Variants in LRP1B observed in about 807,000 individuals in gnomAD.
The protein encoded by LRP1B is LDL receptor related protein 1B, also known as low-density lipoprotein receptor-related protein 1B.
In LRP1B, 217 loss-of-function variants were observed where a neutral mutation model predicts 556.6. The observed-to-expected ratio is 0.39, with a 90% confidence interval of 0.35 to 0.44. The LOEUF is 0.44. LRP1B is among the 20% of genes least tolerant of loss of function. The pLI, the probability that LRP1B is intolerant of heterozygous loss-of-function variation, is 1.00. For missense variants in LRP1B, 5,053 were observed against 5,620.8 expected (o/e 0.90, Z 3.23); for synonymous variants, 2,047 against 1,865.8 (o/e 1.10, Z -2.50).
At chr2:142,046,499 T>C (rs1704265453) in intron 1 of LRP1B, among the ~76,000 whole-genome samples, 1 of 151,926 alleles carries the variant, frequency 6.6e-6, no homozygotes, top group Non-Finnish European at 1.5e-5. Flanking sequence ...TAATCAACAC[T>C]CTTTCTCCAC....
intron 1 of LRP1B, among the ~76,000 whole-genome samples, chr2:141,911,379 C>CTCTT (rs1240746861): frequency 6.6e-6 from 1 of 152,148 alleles, no homozygotes; most frequent in African/African-American, 2.4e-5. Flanking sequence ...AAGTAAAAGA[C>CTCTT]TCTTTAGCAC....
intron 37 of LRP1B, among the ~76,000 whole-genome samples, chr2:140,703,353 A>G (rs1686714698): frequency 6.6e-6 from 1 of 152,186 alleles, no homozygotes; most frequent in African/African-American, 2.4e-5. Context: ...ATAAAATAAA[A>G]TGTAGAAAAA....
At chr2:140,887,907 A>G (rs1693686597) in intron 23 of LRP1B, among the ~76,000 whole-genome samples, 1 of 152,148 alleles carries the variant, frequency 6.6e-6, no homozygotes, top group Non-Finnish European at 1.5e-5. Flanking sequence ...ATTAACAGGA[A>G]GTGATTGCAA....
chr2:141,049,988 A>G (rs1016233604), intron 10 of LRP1B, among the ~76,000 whole-genome samples: 4 of 152,004 alleles, frequency 2.6e-5, no homozygotes, highest in Admixed American at 6.6e-5. Flanking sequence ...CTTCTATATA[A>G]AAATATATAC....
chr2:141,651,432 G>C (rs942795414), intron 2 of LRP1B, among the ~76,000 whole-genome samples: 1 of 152,154 alleles, frequency 6.6e-6, no homozygotes, highest in African/African-American at 2.4e-5. Context: ...GGGAGGCGGA[G>C]GCAGGCAGAT....
intron 23 of LRP1B, among the ~76,000 whole-genome samples, chr2:140,895,463 G>A (rs751941500): frequency 1.7e-4 from 26 of 152,052 alleles, no homozygotes; most frequent in Non-Finnish European, 7.4e-5. Context: ...GGAGAAGGCA[G>A]GTGAGTGCTC....
At chr2:141,348,330 T>C (rs529884275) in intron 3 of LRP1B, among the ~76,000 whole-genome samples, 277 of 152,086 alleles carry the variant, frequency 1.8e-3, no homozygotes, top group Non-Finnish European at 3.2e-3. Context: ...AAAATAGGGA[T>C]GAATTATTTC....
chr2:140,490,110 T>G (rs1347239057), intron 57 of LRP1B, among the ~76,000 whole-genome samples: 2 of 152,076 alleles, frequency 1.3e-5, no homozygotes, highest in African/African-American at 4.8e-5. Flanking sequence ...GATGAAAATT[T>G]GTTTCATCAG....
At chr2:141,319,257 T>A (rs2105466663) in intron 3 of LRP1B, among the ~76,000 whole-genome samples, 1 of 151,356 alleles carries the variant, frequency 6.6e-6, no homozygotes, top group Middle Eastern at 3.4e-3. Flanking sequence ...TGACCATTAA[T>A]ATTGCTATTT....
chr2:140,861,106 G>A (rs1212953244), intron 27 of LRP1B, among the ~76,000 whole-genome samples: 2 of 151,906 alleles, frequency 1.3e-5, no homozygotes, highest in African/African-American at 2.4e-5. Flanking sequence ...TCTTCTAACT[G>A]CCTAAAAGAG....
At chr2:140,495,867 T>A in intron 55 of LRP1B, 119 bp from the exon 56 acceptor site, 1 of 754,820 alleles carries the variant, frequency 1.3e-6, no homozygotes, top group East Asian at 2.7e-5. Context: ...CAAGTCTTTC[T>A]GTCTCCCAGC....
At chr2:142,002,411 G>A (rs1177256739) in intron 1 of LRP1B, among the ~76,000 whole-genome samples, 1 of 151,886 alleles carries the variant, frequency 6.6e-6, no homozygotes, top group Non-Finnish European at 1.5e-5. Flanking sequence ...AAAATGGGTA[G>A]GGACACATCT....
At chr2:140,446,204 C>A (rs1313571328) in intron 63 of LRP1B, among the ~76,000 whole-genome samples, 2 of 152,056 alleles carry the variant, frequency 1.3e-5, no homozygotes, top group African/African-American at 4.8e-5. Flanking sequence ...ATACAATTTT[C>A]TCTAATACTC....
intron 7 of LRP1B, among the ~76,000 whole-genome samples, chr2:141,102,633 G>T (rs1700491453): frequency 6.6e-6 from 1 of 151,596 alleles, no homozygotes; most frequent in South Asian, 2.1e-4. Flanking sequence ...TATTTAAAAA[G>T]GCACACCAAC....
At chr2:142,057,019 A>G (rs1364420457) in intron 1 of LRP1B, among the ~76,000 whole-genome samples, 2 of 152,160 alleles carry the variant, frequency 1.3e-5, no homozygotes, top group Non-Finnish European at 2.9e-5. Flanking sequence ...AGCAAATTGC[A>G]TGTTTTACTT....
At chr2:141,395,559 T>C (rs2104913793) in intron 3 of LRP1B, among the ~76,000 whole-genome samples, 1 of 152,250 alleles carries the variant, frequency 6.6e-6, no homozygotes, top group East Asian at 1.9e-4. Context: ...GGTATACCTG[T>C]CTTTACTTTA....
At chr2:141,639,708 T>C (rs561191952) in intron 2 of LRP1B, among the ~76,000 whole-genome samples, 1 of 152,222 alleles carries the variant, frequency 6.6e-6, no homozygotes, top group African/African-American at 2.4e-5. Context: ...TTCATTAGCT[T>C]TCCAATGAAA....
At chr2:141,161,802 A>G (rs571834748) in intron 7 of LRP1B, among the ~76,000 whole-genome samples, 50 of 152,226 alleles carry the variant, frequency 3.3e-4, no homozygotes, top group African/African-American at 1.1e-3. Flanking sequence ...GCTATGACAC[A>G]AGCTCACTAT....
intron 6 of LRP1B, among the ~76,000 whole-genome samples, chr2:141,215,122 AAT>A (rs1682736363): frequency 6.6e-6 from 1 of 152,084 alleles, no homozygotes; most frequent in African/African-American, 2.4e-5. Context: ...CTGTCCTCAC[AAT>A]AGTGAGTGAG....
Sources: allele counts gnomAD v4.1 joint callset (sites outside exome capture counted in the v4.1 genomes callset), GRCh38; gene constraint gnomAD v4.1.1; transcripts MANE v1.5; gene names NCBI Gene and HGNC (gene_info 2026-07-23, HGNC 2026-07-21).